The following DIAPH2 variants were observed in gnomAD, a reference collection of about 807,000 sequenced individuals.
DIAPH2 encodes diaphanous related formin 2, also known as protein diaphanous homolog 2.
DIAPH2 carries 35 observed loss-of-function variants against 92.7 expected under a neutral mutation model. The ratio of observed to expected loss-of-function variants is 0.38; its 90% CI spans 0.29 to 0.50. DIAPH2 has a LOEUF of 0.50. DIAPH2 is among the 20% of genes least tolerant of loss of function. The probability of loss-of-function intolerance (pLI) is 0.94; values close to 1 mark genes in which losing one functional copy is unlikely to be tolerated. For missense variants in DIAPH2, 701 were observed against 819.5 expected, an observed-to-expected ratio of 0.86 and a Z score of 1.77; for synonymous variants, 301 against 280.4, an observed-to-expected ratio of 1.07 and a Z score of -0.73.
intron 23 of DIAPH2, among the ~76,000 whole-genome samples, chrX:97,343,890 G>A (rs1296087901): frequency 9.0e-6 from 1 of 111,063 alleles, no homozygotes; most frequent in East Asian, 2.8e-4. Context: ...ACAATACACT[G>A]CTATATGAAA....
chrX:96,819,361 T>A (rs1427166797), intron 4 of DIAPH2, among the ~76,000 whole-genome samples: 3 of 112,822 alleles, frequency 2.7e-5, no homozygotes, highest in Non-Finnish European at 5.6e-5. Flanking sequence ...TATTCTGATT[T>A]ATATTTTTTT....
intron 4 of DIAPH2, among the ~76,000 whole-genome samples, chrX:96,785,617 G>A (rs2064450515): frequency 9.3e-6 from 1 of 107,133 alleles, no homozygotes; most frequent in Admixed American, 1.0e-4. Flanking sequence ...CATTACAGGT[G>A]CCTGCCACCA....
chrX:96,888,016 G>T (rs2065275741), intron 5 of DIAPH2, among the ~76,000 whole-genome samples: 1 of 109,292 alleles, frequency 9.1e-6, no homozygotes, highest in Non-Finnish European at 1.9e-5. Flanking sequence ...TATGATCCCT[G>T]TGATGCGTAG....
intron 17 of DIAPH2, among the ~76,000 whole-genome samples, chrX:97,070,049 A>G (rs12556593): frequency 2.9e-3 from 327 of 111,719 alleles, no homozygotes; most frequent in Non-Finnish European, 5.1e-3. Flanking sequence ...TGATGTTAAC[A>G]TATCTTTAAT....
At chrX:96,875,403 A>T (rs889978208) in intron 4 of DIAPH2, among the ~76,000 whole-genome samples, 8 of 112,309 alleles carry the variant, frequency 7.1e-5, no homozygotes, top group African/African-American at 2.6e-4. Flanking sequence ...TGATTTCATC[A>T]TATACAACCT....
At chrX:96,894,915 T>A (rs1171861698) in intron 5 of DIAPH2, among the ~76,000 whole-genome samples, 1 of 109,533 alleles carries the variant, frequency 9.1e-6, no homozygotes, top group Non-Finnish European at 1.9e-5. Context: ...AATAAATCGC[T>A]ATAGAGGAGT....
chrX:97,082,771 C>A (rs1042890670), intron 19 of DIAPH2, among the ~76,000 whole-genome samples: 8 of 111,814 alleles, frequency 7.2e-5, no homozygotes, highest in East Asian at 2.8e-4. Context: ...TAAGTACTAG[C>A]TGTGAGGCTA....
chrX:97,245,861 T>C (rs2068137111), intron 22 of DIAPH2, among the ~76,000 whole-genome samples: 1 of 110,758 alleles, frequency 9.0e-6, no homozygotes, highest in Non-Finnish European at 1.9e-5. Context: ...CATGTCCGTG[T>C]AACCTAAATA....
chrX:97,258,445 C>T (rs28580579), intron 23 of DIAPH2, among the ~76,000 whole-genome samples: 2,520 of 110,555 alleles, frequency 0.023, 29 homozygotes, highest in Middle Eastern at 0.041. Flanking sequence ...GCGTGGCACG[C>T]GCCTGTAGTC....
At chrX:97,584,039 C>T (rs886869692) in intron 26 of DIAPH2, among the ~76,000 whole-genome samples, 5 of 112,573 alleles carry the variant, frequency 4.4e-5, no homozygotes, top group Admixed American at 9.3e-5. Flanking sequence ...GGCTCGCGCA[C>T]GGTGCGTGCA....
At chrX:97,532,872 C>G (rs770479856) in intron 26 of DIAPH2, among the ~76,000 whole-genome samples, 5 of 111,932 alleles carry the variant, frequency 4.5e-5, no homozygotes, top group Non-Finnish European at 1.9e-5. Flanking sequence ...AGTGGGCAAT[C>G]CCAGAGACTG....
chrX:97,368,883 A>G, intron 24 of DIAPH2, among the ~76,000 whole-genome samples: 1 of 103,068 alleles, frequency 9.7e-6, no homozygotes. Context: ...AACTAAACCA[A>G]CAGAGTCTAC....
At chrX:97,086,981 C>A (rs1489744426) in intron 19 of DIAPH2, among the ~76,000 whole-genome samples, 1 of 111,705 alleles carries the variant, frequency 9.0e-6, no homozygotes, top group Admixed American at 9.5e-5. Context: ...ACACTTAGTG[C>A]AATCTCTGTC....
chrX:97,135,615 G>A (rs1319804451), intron 21 of DIAPH2, among the ~76,000 whole-genome samples: 2 of 111,299 alleles, frequency 1.8e-5, no homozygotes, highest in East Asian at 2.8e-4. Flanking sequence ...ACCCATGACA[G>A]TTCAATCCAG....
At chrX:96,704,888 G>A (rs1351973907) in intron 1 of DIAPH2, among the ~76,000 whole-genome samples, 2 of 109,866 alleles carry the variant, frequency 1.8e-5, no homozygotes, top group African/African-American at 6.6e-5. Context: ...AAATAGACTA[G>A]GAACTGAGTC....
At chrX:96,699,703 C>T (rs1362211979) in intron 1 of DIAPH2, among the ~76,000 whole-genome samples, 1 of 111,751 alleles carries the variant, frequency 8.9e-6, no homozygotes, top group Non-Finnish European at 1.9e-5. Flanking sequence ...CTCTCCTTTC[C>T]TCTCTATTCA....
chrX:97,308,716 G>T (rs370117385), intron 23 of DIAPH2, among the ~76,000 whole-genome samples: 1 of 101,819 alleles, frequency 9.8e-6, no homozygotes, highest in Non-Finnish European at 2.0e-5. Context: ...GGCCTCCCGG[G>T]TTCACACCAT....
intron 26 of DIAPH2, among the ~76,000 whole-genome samples, chrX:97,546,842 A>G (rs1242805914): frequency 9.0e-6 from 1 of 110,954 alleles, no homozygotes; most frequent in Admixed American, 9.6e-5. Context: ...TCTCAAAAAA[A>G]AAAAAGTTAC....
At chrX:97,484,884 G>GA (rs1412121684) in intron 26 of DIAPH2, among the ~76,000 whole-genome samples, 5 of 106,475 alleles carry the variant, frequency 4.7e-5, no homozygotes, top group South Asian at 4.0e-4. Context: ...GACAGAGCGA[G>GA]AAAAAAAAAA....
Sources: allele counts gnomAD v4.1 joint callset (sites outside exome capture counted in the v4.1 genomes callset), GRCh38; gene constraint gnomAD v4.1.1; transcripts MANE v1.5; gene names NCBI Gene and HGNC (gene_info 2026-07-23, HGNC 2026-07-21).